The following GLIS1 variants were observed in gnomAD, a reference collection of about 807,000 sequenced individuals.
GLIS1 encodes the protein zinc finger protein GLIS1.
GLIS1 carries 24 observed loss-of-function variants against 63.8 expected under a neutral mutation model. That is an observed-to-expected ratio of 0.38 (90% CI 0.27 to 0.53). GLIS1 has a LOEUF of 0.53. GLIS1 is among the 20% of genes least tolerant of loss of function. The pLI, the probability that GLIS1 is intolerant of heterozygous loss-of-function variation, is 0.85. For missense variants in GLIS1, 1,036 were observed against 1,074.1 expected (o/e 0.96, Z 0.50); for synonymous variants, 450 against 482.5 (o/e 0.93, Z 0.88).
intron 4 of GLIS1, among the ~76,000 whole-genome samples, chr1:53,538,789 A>G (rs1160926454): frequency 3.3e-5 from 5 of 152,136 alleles, no homozygotes; most frequent in Non-Finnish European, 7.4e-5. Context: ...ACACACTGAC[A>G]GCTCTGGGCT....
chr1:53,511,142 G>A lies in GLIS1; in HGVS notation c.1884-1115C>T, dbSNP rs1644294392. On this transcript the variant is annotated intron_variant, in intron 8 of 10. Transcript: ENST00000628545. The surrounding 1 kb of genome is among the most constrained non-coding windows in gnomAD (Gnocchi z 4.2). The stretch of plus-strand genomic sequence containing the variant: ...GGACAAGGCTGAAGGCTCCCAGCCT[G>A]TAAAGCATTTATGTACATGGCAGAA... Among the ~76,000 whole-genome samples, 1 of 152,238 alleles carries A rather than the reference G, an allele frequency of 6.6e-6. No homozygotes were observed. Among genetic ancestry groups the A allele is most frequent in the Admixed American group, 6.5e-5 (1 of 15,288 alleles).
At chr1:53,626,573 T>G (rs1461602321) in intron 2 of GLIS1, among the ~76,000 whole-genome samples, 1 of 152,218 alleles carries the variant, frequency 6.6e-6, no homozygotes, top group Non-Finnish European at 1.5e-5. Context: ...GCATCTTGCT[T>G]ATCTGTTGAC....
chr1:53,647,072 CA>C (rs999772172), intron 2 of GLIS1, among the ~76,000 whole-genome samples: 99 of 152,232 alleles, frequency 6.5e-4, no homozygotes, highest in African/African-American at 2.3e-3. Flanking sequence ...AAGCCATATT[CA>C]TGGGTCAGAA....
chr1:53,648,382 G>A lies in GLIS1; in HGVS notation c.260-48104C>T, dbSNP rs541824628. Among the ~76,000 whole-genome samples the A allele has an allele frequency of 9.7e-4, 148 of 152,232 alleles. 1 individual carries two copies. The highest frequency in any genetic ancestry group is 3.4e-3 in the African/African-American group (141 of 41,546). On this transcript the variant is annotated intron_variant, in intron 2 of 10. Coordinates refer to ENST00000628545, the MANE Select transcript of GLIS1 (RefSeq NM_001367484.1). ...CATCGTATGTTAGATGGGGAGCAATGGGAACTCTGCTACTCTGCCAGCGGG... is the reference window on the plus strand; with the variant it reads ...CATCGTATGTTAGATGGGGAGCAATAGGAACTCTGCTACTCTGCCAGCGGG...
At chr1:53,620,512 T>C (rs112219420) in intron 2 of GLIS1, among the ~76,000 whole-genome samples, 41 of 152,350 alleles carry the variant, frequency 2.7e-4, no homozygotes, top group African/African-American at 9.1e-4. Flanking sequence ...TGGCCATGAA[T>C]GAGTACAGTG....
Position 53,529,799 on chromosome 1 carries a change from G to C in GLIS1, c.1474C>G (p.Leu492Val). 6.2e-7 allele frequency: 1 copy of C among 1,611,976 alleles called. No homozygotes were observed. Among genetic ancestry groups the C allele is most frequent in the Non-Finnish European group, 8.5e-7 (1 of 1,179,906 alleles). ...CTGCCTGTTGGGCCTACCGTGTCTA[G>C]GTGGGTGCGCTGGTGCTTGGCGCGG... ...SDRAKHQRTH[L>V]DTKPYACQIP... Residue 492 changes from leucine (L) to valine (V), a missense_variant, in exon 5 of 11, where the codon CTA becomes GTA. By Grantham distance (32) the Leu-to-Val change is conservative (BLOSUM62 1). This residue lies in a region of GLIS1 where 44 missense variants were observed against 79.3 expected (regional missense o/e 0.55). Coordinates refer to ENST00000628545, the MANE Select transcript of GLIS1 (RefSeq NM_001367484.1).
chr1:53,519,070 C>T (rs142992208), intron 7 of GLIS1, among the ~76,000 whole-genome samples: 81 of 152,348 alleles, frequency 5.3e-4, no homozygotes, highest in South Asian at 3.1e-3. Flanking sequence ...AAGGCCTTCT[C>T]GACACAGAGC....
intron 2 of GLIS1, among the ~76,000 whole-genome samples, chr1:53,714,237 T>G (rs2100532287): frequency 6.6e-6 from 1 of 152,270 alleles, no homozygotes; most frequent in Middle Eastern, 3.4e-3. Flanking sequence ...CTCCTTCAGC[T>G]GCAAAATTAC....
At position 53,509,234 on chromosome 1, in the gene GLIS1, A is replaced by G. The variant is rs561127762; in HGVS notation, c.2116T>C (p.Tyr706His). The change falls in exon 10 of 11, where the codon TAC becomes CAC. Residue 706 changes from tyrosine (Y) to histidine (H), a missense_variant. Around this residue, in one of 3 missense-constraint regions of GLIS1, gnomAD observed 400 missense variants for 400.9 expected, o/e 1.00. Coordinates refer to ENST00000628545, the MANE Select transcript of GLIS1 (RefSeq NM_001367484.1). The stretch of plus-strand genomic sequence containing the variant: ...CCGGCTGCTGGTTCAGCCATCCGGT[A>G]GCAGTCGCCATAGGGGAAGCAACTC... Reference protein sequence around the residue: ...IQSCFPYGDCYRMAEPAAGGD... With the variant: ...IQSCFPYGDCHRMAEPAAGGD... The G allele has an allele frequency of 1.3e-5, 20 of 1,595,828 alleles. 1 individual carries two copies. The South Asian group carries it at 2.2e-4, about 17-fold the overall frequency.
chr1:53,556,681 AGTAT>A (rs1194780107), intron 4 of GLIS1, among the ~76,000 whole-genome samples: 2 of 98,220 alleles, frequency 2.0e-5, no homozygotes, highest in Non-Finnish European at 4.0e-5. Flanking sequence ...GTGTACTGTA[AGTAT>A]GTGTGTGTGT....
At chr1:53,586,303 C>T (rs1179845076) in intron 4 of GLIS1, among the ~76,000 whole-genome samples, 1 of 152,184 alleles carries the variant, frequency 6.6e-6, no homozygotes, top group Non-Finnish European at 1.5e-5. Flanking sequence ...CTACTAAACA[C>T]TGTCTACTGC....
intron 2 of GLIS1, among the ~76,000 whole-genome samples, chr1:53,705,989 G>A (rs1178564083): frequency 6.6e-6 from 1 of 152,186 alleles, no homozygotes; most frequent in African/African-American, 2.4e-5. Flanking sequence ...GAAAGGCTCT[G>A]GAATCAGAAG....
rs529000878 is a variant in GLIS1 at position 53,556,481 on chromosome 1, A to G, written c.1321-26529T>C. On this transcript the variant is annotated intron_variant, in intron 4 of 10. Coordinates refer to ENST00000628545, the MANE Select transcript of GLIS1 (RefSeq NM_001367484.1). ...AGGTGTACTGCAGGTGTGTGCGTGC[A>G]GGTGTACTGCAGGTGTGTGTGTGGT... is the stretch of plus-strand genomic sequence containing the variant. 4.3e-3 allele frequency among the ~76,000 whole-genome samples: 527 copies of G among 121,932 alleles called. 1 individual carries two copies. The highest frequency in any genetic ancestry group is 0.016 in the African/African-American group (497 of 30,358). 80.0% of individuals were successfully genotyped at this position (121,932 alleles called of 152,430 possible).
At chr1:53,520,529 T>C in intron 7 of GLIS1, 105 bp downstream of exon 7, 1 of 1,305,284 alleles carries the variant, frequency 7.7e-7, no homozygotes, top group African/African-American at 1.5e-5. Flanking sequence ...CTGCAACATG[T>C]CATGCCCATG....
Position 53,639,439 on chromosome 1 carries a change from G to A in GLIS1, c.260-39161C>T, listed in dbSNP as rs544979460. 2.6e-5 allele frequency among the ~76,000 whole-genome samples: 4 copies of A among 152,076 alleles called. No individual in the cohort carries two copies. Among genetic ancestry groups the A allele is most frequent in the African/African-American group, 7.2e-5 (3 of 41,486 alleles). On this transcript the variant is annotated intron_variant, in intron 2 of 10. Transcript: ENST00000628545. This position sits in a 1 kb window ranked among gnomAD's most constrained non-coding sequence, Gnocchi z 4.6. ...CACTCTGAGAACGCCTGTCCCTCTCGGGGCTGGCAGGAGGCACCCCATAAA... is the reference window on the plus strand; with the variant it reads ...CACTCTGAGAACGCCTGTCCCTCTCAGGGCTGGCAGGAGGCACCCCATAAA...
At chr1:53,710,118 C>T (rs74088214) in intron 2 of GLIS1, among the ~76,000 whole-genome samples, 3,091 of 152,274 alleles carry the variant, frequency 0.02, 100 homozygotes, top group African/African-American at 0.07. Flanking sequence ...AAGAGGAGCC[C>T]CTTCTTTCTG....
chr1:53,716,957 C>G (rs1180110050), intron 2 of GLIS1, among the ~76,000 whole-genome samples: 3 of 152,120 alleles, frequency 2.0e-5, no homozygotes, highest in Non-Finnish European at 4.4e-5. Flanking sequence ...GAGAGAGAGA[C>G]AGAAAATTCA....
chr1:53,692,143 CTT>C (rs1045038228), intron 2 of GLIS1, among the ~76,000 whole-genome samples: 1 of 152,184 alleles, frequency 6.6e-6, no homozygotes, highest in Admixed American at 6.5e-5. Context: ...TCCAACCTCT[CTT>C]TTTCCCCACC....
chr1:53,654,147 C>T (rs1305103279), intron 2 of GLIS1, among the ~76,000 whole-genome samples: 1 of 152,202 alleles, frequency 6.6e-6, no homozygotes, highest in Non-Finnish European at 1.5e-5. Context: ...TCACAATTTC[C>T]CAGATCCTGA....
Sources: gnomAD v4.1 joint callset for allele counts (sites outside exome capture counted in the v4.1 genomes callset) on GRCh38, gnomAD v4.1.1 for gene constraint, gnomAD v4.1.1 regional missense constraint, Gnocchi (gnomAD v3.1) non-coding constraint, MANE v1.5 for transcripts, NCBI Gene and HGNC (gene_info 2026-07-23, HGNC 2026-07-21) for gene names.